MCF2L2: variants seen among roughly 807,000 people sequenced by gnomAD.
The protein encoded by MCF2L2 is probable guanine nucleotide exchange factor MCF2L2.
A neutral mutation model predicts 150.2 loss-of-function variants in MCF2L2; 102 were observed. That is an observed-to-expected ratio of 0.68 (90% confidence interval 0.58 to 0.80). The LOEUF (loss-of-function observed/expected upper bound fraction) is 0.80, where lower values mean the gene tolerates loss of function less well. Among genes scored for constraint, MCF2L2 ranks in the 30% least tolerant of loss-of-function variants. The pLI, the probability that MCF2L2 is intolerant of heterozygous loss-of-function variation, is 0.00. For missense variants in MCF2L2, 1,256 were observed against 1,372.8 expected, an observed-to-expected ratio of 0.91 and a Z score of 1.34; for synonymous variants, 465 against 491.3, an observed-to-expected ratio of 0.95 and a Z score of 0.71.
Position 183,179,690 on chromosome 3 carries a change from G to A in MCF2L2, c.3108C>T (p.Leu1036=), listed in dbSNP as rs537610121. Residue 1036 remains leucine, a splice_region_variant and synonymous_variant, in exon 29 of 30, where the codon CTC becomes CTT. Transcript: ENST00000328913. This position sits in a 1 kb window ranked among gnomAD's most constrained non-coding sequence, Gnocchi z 4.2. The part of the protein sequence containing the change: ...DMEKESSALS[L]AGLFQSDDSH... Reference sequence around the variant, plus strand: ...TGTCGTCCGACTGGAAAAGGCCCGCGAGCTGGAAGGGAGGGGACGGGTGCA... The same window carrying A: ...TGTCGTCCGACTGGAAAAGGCCCGCAAGCTGGAAGGGAGGGGACGGGTGCA... 5 of 1,613,522 alleles carry A rather than the reference G, an allele frequency of 3.1e-6. No individual in the cohort carries two copies. Among genetic ancestry groups the A allele is most frequent in the East Asian group, 4.5e-5 (2 of 44,874 alleles).
chr3:183,244,585 G>C (rs1724171073), intron 15 of MCF2L2, among the ~76,000 whole-genome samples: 1 of 152,066 alleles, frequency 6.6e-6, no homozygotes, highest in African/African-American at 2.4e-5. Context: ...TCGTCTAGTA[G>C]GTTCATAAAA....
chr3:183,334,140 AGG>A (rs1491355355), intron 5 of MCF2L2, among the ~76,000 whole-genome samples: 1 of 152,192 alleles, frequency 6.6e-6, no homozygotes, highest in Non-Finnish European at 1.5e-5. Flanking sequence ...ATAGGTGAGA[AGG>A]GAAAGCTCTA....
At chr3:183,425,130 C>T (rs1336167942) in intron 1 of MCF2L2, among the ~76,000 whole-genome samples, 1 of 151,838 alleles carries the variant, frequency 6.6e-6, no homozygotes, top group Non-Finnish European at 1.5e-5. Context: ...GAAATGAAGT[C>T]CTGAAGTAGG....
intron 5 of MCF2L2, among the ~76,000 whole-genome samples, chr3:183,333,886 C>T (rs1224094242): frequency 2.0e-5 from 3 of 148,944 alleles, no homozygotes; most frequent in Non-Finnish European, 3.0e-5. Flanking sequence ...GAGAAATGGC[C>T]GGTAACAAAG....
intron 25 of MCF2L2, among the ~76,000 whole-genome samples, chr3:183,201,429 T>G (rs1576917168): frequency 6.6e-6 from 1 of 152,350 alleles, no homozygotes; most frequent in East Asian, 1.9e-4. Context: ...TCTCTGTTTG[T>G]CTGTTATTGG....
intron 22 of MCF2L2, among the ~76,000 whole-genome samples, chr3:183,210,221 C>A (rs115380653): frequency 6.6e-6 from 1 of 152,084 alleles, no homozygotes; most frequent in Admixed American, 6.5e-5. Context: ...CCAGCCTGGG[C>A]AACATAGGGA....
chr3:183,191,579 T>G (rs2087503628), intron 27 of MCF2L2, among the ~76,000 whole-genome samples: 1 of 152,200 alleles, frequency 6.6e-6, no homozygotes, highest in Non-Finnish European at 1.5e-5. Flanking sequence ...TTCATCTTAG[T>G]GCTGCTGCCG....
intron 13 of MCF2L2, among the ~76,000 whole-genome samples, chr3:183,292,446 C>A (rs984461517): frequency 6.6e-6 from 1 of 151,910 alleles, no homozygotes; most frequent in Admixed American, 6.6e-5. Flanking sequence ...GACTCCCCAA[C>A]AATAAATACT....
intron 10 of MCF2L2, 117 bp from the exon 11 acceptor site, chr3:183,300,313 T>A: frequency 1.1e-6 from 1 of 927,824 alleles, no homozygotes. Context: ...TAACCCAGGA[T>A]GAAGGCTGGA....
chr3:183,352,167 T>A (rs1029335156), intron 3 of MCF2L2, among the ~76,000 whole-genome samples: 1 of 152,218 alleles, frequency 6.6e-6, no homozygotes, highest in Admixed American at 6.5e-5. Flanking sequence ...CAATGCCTCA[T>A]CCTGAGTGGA....
chr3:183,240,182 T>C (rs1723945177), intron 15 of MCF2L2, among the ~76,000 whole-genome samples: 1 of 152,222 alleles, frequency 6.6e-6, no homozygotes, highest in Non-Finnish European at 1.5e-5. Context: ...CTCATCCTTC[T>C]GAGATTTCTC....
intron 13 of MCF2L2, among the ~76,000 whole-genome samples, chr3:183,295,042 C>T (rs899645112): frequency 9.9e-5 from 15 of 152,196 alleles, no homozygotes; most frequent in African/African-American, 3.6e-4. Flanking sequence ...GGATTACAGG[C>T]GTGAGCTACC....
At chr3:183,414,394 C>T (rs1238709637) in intron 1 of MCF2L2, among the ~76,000 whole-genome samples, 4 of 152,110 alleles carry the variant, frequency 2.6e-5, no homozygotes, top group East Asian at 1.9e-4. Context: ...CCTTTACAGG[C>T]CTTTTTGCTT....
intron 5 of MCF2L2, among the ~76,000 whole-genome samples, chr3:183,337,109 CTTT>C (rs1730514212): frequency 6.6e-6 from 1 of 152,096 alleles, no homozygotes. Context: ...GTACTTCACT[CTTT>C]TTTATTGCTT....
intron 22 of MCF2L2, among the ~76,000 whole-genome samples, chr3:183,214,655 G>T (rs1460472577): frequency 1.3e-5 from 2 of 151,878 alleles, no homozygotes; most frequent in Admixed American, 1.3e-4. Context: ...AATCACAAGT[G>T]ACAAAAACGC....
intron 5 of MCF2L2, among the ~76,000 whole-genome samples, chr3:183,326,709 T>C (rs1730056890): frequency 7.6e-5 from 1 of 13,106 alleles, no homozygotes; most frequent in African/African-American, 1.1e-3. Context: ...ATGCTTATAA[T>C]GTGTGTGTAT....
Position 183,267,521 on chromosome 3 carries a change from G to C in MCF2L2, c.1862+9351C>G, listed in dbSNP as rs1726271126. Among the ~76,000 whole-genome samples, 1 of 152,212 alleles carries C rather than the reference G, an allele frequency of 6.6e-6. No individual in the cohort carries two copies. Among genetic ancestry groups the C allele is most frequent in the Admixed American group, 6.5e-5 (1 of 15,286 alleles). The stretch of plus-strand genomic sequence containing the variant: ...TGTGTACAGTTGGTTTTCTATCAGG[G>C]GTCAACCGGCGGGGGGACTTGAGAA... On this transcript the variant is annotated intron_variant, in intron 15 of 29. Coordinates refer to ENST00000328913, the MANE Select transcript of MCF2L2 (RefSeq NM_015078.4). The surrounding 1 kb of genome is among the most constrained non-coding windows in gnomAD (Gnocchi z 5.5).
Position 183,283,059 on chromosome 3 carries a change from G to A in MCF2L2, c.1776+6061C>T, listed in dbSNP as rs765152107. 1.3e-5 allele frequency among the ~76,000 whole-genome samples: 2 copies of A among 152,186 alleles called. No individual in the cohort carries two copies. The highest frequency in any genetic ancestry group is 1.5e-5 in the Non-Finnish European group (1 of 68,016). ...CCCATGAGGAATCCAAGATGGAAAC[G>A]TCAAAACTATCTTTGGTATCATGCT... On this transcript the variant is annotated intron_variant, in intron 14 of 29. Transcript: ENST00000328913. This position sits in a 1 kb window ranked among gnomAD's most constrained non-coding sequence, Gnocchi z 4.2.
chr3:183,404,678 T>C (rs1173745614), intron 1 of MCF2L2, among the ~76,000 whole-genome samples: 9 of 152,058 alleles, frequency 5.9e-5, no homozygotes, highest in African/African-American at 1.9e-4. Context: ...CTGGCCAACA[T>C]GGTGAAACCC....
Sources: gnomAD v4.1 joint callset for allele counts (sites outside exome capture counted in the v4.1 genomes callset) on GRCh38, gnomAD v4.1.1 for gene constraint, Gnocchi (gnomAD v3.1) non-coding constraint, MANE v1.5 for transcripts, NCBI Gene and HGNC (gene_info 2026-07-23, HGNC 2026-07-21) for gene names.